Variants in IFRD2 observed in about 807,000 individuals in gnomAD.
IFRD2 encodes interferon-related developmental regulator 2.
A neutral mutation model predicts 49.2 loss-of-function variants in IFRD2; 35 were observed. The ratio of observed to expected loss-of-function variants is 0.71; its 90% confidence interval spans 0.54 to 0.94. The LOEUF (loss-of-function observed/expected upper bound fraction) is 0.94. Among genes scored for constraint, IFRD2 ranks in the 40% least tolerant of loss-of-function variants. The probability of loss-of-function intolerance (pLI) is 0.00; values close to 1 mark genes in which losing one functional copy is unlikely to be tolerated. For missense variants in IFRD2, 561 were observed against 591.6 expected (o/e 0.95, Z 0.54); for synonymous variants, 275 against 239.7 (o/e 1.15, Z -1.36).
chr3:50,289,538 T>C lies in IFRD2; in HGVS notation c.688A>G (p.Ser230Gly). Residue 230 changes from serine (S) to glycine (G), a missense_variant, in exon 7 of 12, where the codon AGC becomes GGC. By Grantham distance (56) the Ser-to-Gly change is moderately conservative. Coordinates refer to ENST00000417626, the MANE Select transcript of IFRD2 (RefSeq NM_006764.5). ...GCAGCAGAGAGCAGGCCGTGCAGGC[T>C]GGCAGGAACCACAGGACTTGTGGAG... is the stretch of plus-strand genomic sequence containing the variant. ...GSSTSPVVPA[S>G]LHGLLSAALQ... is the part of the protein sequence containing the mutation. 2 of 1,581,636 alleles carry C rather than the reference T, an allele frequency of 1.3e-6. No individual in the cohort carries two copies. The highest frequency in any genetic ancestry group is 1.2e-5 in the South Asian group (1 of 86,670).
In IFRD2 at chr3:50,289,941, AG is replaced by A. The variant is rs782344641; in HGVS notation, c.533del (p.Ala178ValfsTer31). ...SVLSDSTASP[A>X]ARLHCASALG... ...CAGGCACACTCACGTGGAGCCGGGC[AG>A]CAGGGCTAGCTGTGCTGTCACTGAG... On this transcript the variant is annotated frameshift_variant, in exon 5 of 12. Coordinates refer to ENST00000417626, the MANE Select transcript of IFRD2 (RefSeq NM_006764.5). LOFTEE classifies it high-confidence loss of function. 1 of 1,613,228 alleles carries A rather than the reference AG, an allele frequency of 6.2e-7. No individual in the cohort carries two copies. Among genetic ancestry groups the A allele is most frequent in the Non-Finnish European group, 8.5e-7 (1 of 1,179,668 alleles).
chr3:50,292,001 C>T, intron 1 of IFRD2: 1 of 546,116 alleles, frequency 1.8e-6, no homozygotes, highest in Non-Finnish European at 3.1e-6. Flanking sequence ...GCTGGGAGCG[C>T]GGACTCCCAA....
chr3:50,290,451 T>C lies in IFRD2; in HGVS notation c.200A>G (p.Gln67Arg). The change falls in exon 3 of 12, where the codon CAG (glutamine) becomes CGG (arginine). Residue 67 changes from glutamine to arginine, a missense_variant. Gln to Arg is a conservative substitution (Grantham distance 43). Transcript: ENST00000417626. The part of the protein sequence containing the change: ...DSLGGDVVDE[Q>R]GQQEDLEEKL... The stretch of plus-strand genomic sequence containing the variant: ...TTCCTCAAGGTCTTCCTGCTGGCCC[T>C]GCTCATCCACGACATCCCCCCCTGC... 3 of 1,578,090 alleles carry C rather than the reference T, an allele frequency of 1.9e-6. No individual in the cohort carries two copies. Among genetic ancestry groups the C allele is most frequent in the Non-Finnish European group, 2.6e-6 (3 of 1,160,814 alleles).
Position 50,290,306 on chromosome 3 carries a change from C to A in IFRD2, c.264-12G>T. On this transcript the variant is annotated splice_polypyrimidine_tract_variant and intron_variant, in intron 3 of 11. Transcript: ENST00000417626. ...GCCGGGTCTTGGCACTGGGGGAGGT[C>A]GAGAAGGGGGGTCATATGGGCCAGC... The A allele has an allele frequency of 6.2e-7, 1 of 1,608,564 alleles. No homozygotes were observed. Among genetic ancestry groups the A allele is most frequent in the Non-Finnish European group, 8.5e-7 (1 of 1,177,324 alleles).
At chr3:50,290,120 A>G (rs1220941548) in intron 4 of IFRD2, 34 bp from the exon 5 acceptor site, 1 of 1,612,530 alleles carries the variant, frequency 6.2e-7, no homozygotes, top group East Asian at 2.2e-5. Context: ...CCATGCAGCA[A>G]GGGCCAGTGT....
chr3:50,290,551 C>G lies in IFRD2; in HGVS notation c.178+9G>C. ...ACCAAGCCCCTGTCAAACTTCCACC[C>G]GCTCTCACCAAGGCTGTCCTCTGCA... On this transcript the variant is annotated intron_variant, in intron 2 of 11. Coordinates refer to ENST00000417626, the MANE Select transcript of IFRD2 (RefSeq NM_006764.5). 2.5e-6 allele frequency: 4 copies of G among 1,613,556 alleles called. No homozygotes were observed. Among genetic ancestry groups the G allele is most frequent in the Non-Finnish European group, 3.4e-6 (4 of 1,179,726 alleles).
chr3:50,289,558 G>T lies in IFRD2; in HGVS notation c.668C>A (p.Thr223Lys). ...SRFYGLGGSS[T>K]SPVVPASLHG... ...CAGGCTGGCAGGAACCACAGGACTT[G>T]TGGAGCTGCCCCCCAAGCCATAGAA... The change falls in exon 7 of 12, where the codon ACA (threonine) becomes AAA (lysine). Residue 223 changes from threonine (T) to lysine (K), a missense_variant. Coordinates refer to ENST00000417626, the MANE Select transcript of IFRD2 (RefSeq NM_006764.5). The T allele has an allele frequency of 1.3e-6, 2 of 1,581,258 alleles. No homozygotes were observed. The highest frequency in any genetic ancestry group is 2.3e-5 in the South Asian group (2 of 86,582).
intron 1 of IFRD2, chr3:50,291,751 C>T: frequency 6.0e-6 from 1 of 165,522 alleles, no homozygotes; most frequent in Non-Finnish European, 1.3e-5. Context: ...CTGCCTCAGG[C>T]TCCAGGATAC....
In IFRD2 at chr3:50,290,065, A is replaced by G; in HGVS notation, c.410T>C (p.Leu137Pro). The G allele has an allele frequency of 6.2e-7, 1 of 1,613,846 alleles. No individual in the cohort carries two copies. Among genetic ancestry groups the G allele is most frequent in the South Asian group, 1.1e-5 (1 of 91,046 alleles). Reference sequence around the variant, plus strand: ...GAGCAGGCCTAGCACAGCAGCAGCCAGGGCTTGTTCCTCGCCCTTCCCTGT... The same window carrying G: ...GAGCAGGCCTAGCACAGCAGCAGCCGGGGCTTGTTCCTCGCCCTTCCCTGT... ...LKKGKGEEQA[L>P]AAAVLGLLCV... Residue 137 changes from leucine (L) to proline (P), a missense_variant, in exon 5 of 12, where the codon CTG (leucine) becomes CCG (proline). Coordinates refer to ENST00000417626, the MANE Select transcript of IFRD2 (RefSeq NM_006764.5).
Position 50,289,497 on chromosome 3 carries a change from T to C in IFRD2, c.729A>G (p.Ala243=), listed in dbSNP as rs587700956. The stretch of plus-strand genomic sequence containing the variant: ...TGCTAGGGCAGATGGTGAGCAGCAA[T>C]GCCCAGGCCTGCAGGGCAGCAGAGA... The part of the protein sequence containing the change: ...GLLSAALQAW[A]LLLTICPSTQ... Residue 243 remains alanine (A), a synonymous_variant, in exon 7 of 12, where the codon GCA becomes GCG. Coordinates refer to ENST00000417626, the MANE Select transcript of IFRD2 (RefSeq NM_006764.5). The C allele has an allele frequency of 3.2e-6, 5 of 1,584,454 alleles. No homozygotes were observed. The African/African-American group carries it at 6.7e-5, about 21-fold the overall frequency.
rs782362768 is a variant in IFRD2, at chr3:50,290,674, G to A, written c.64C>T (p.Arg22Trp). Residue 22 changes from arginine (R) to tryptophan (W), a missense_variant, in exon 2 of 12, where the codon CGG becomes TGG. Transcript: ENST00000417626. ...KGGQRRGGGA[R>W]SSAQADSGSS... ...CCCGAGTCAGCTTGGGCACTGCTCC[G>A]GGCACCTGGAGAAGGTGGAATAGGA... The A allele has an allele frequency of 6.2e-6, 10 of 1,613,370 alleles. No homozygotes were observed. The African/African-American group carries it at 6.7e-5, about 11-fold the overall frequency.
rs1480648114 is a variant in IFRD2, at chr3:50,288,090, A to AAAT, written c.*98_*100dup. 17 of 1,136,984 alleles carry AAAT rather than the reference A, an allele frequency of 1.5e-5. No homozygotes were observed. The African/African-American group carries it at 2.2e-4, about 15-fold the overall frequency. The allele number at this position is 1,136,984 out of a possible 1,614,324, so 70.4% of individuals were successfully genotyped here. The stretch of plus-strand genomic sequence containing the variant: ...CTGTTTTTGGTTTTGTCATTAAAAA[A>AAAT]AATAAAGTGACAAATACTGGTGGAG... On this transcript the variant is annotated 3_prime_UTR_variant, in exon 12 of 12. Transcript: ENST00000417626.
Position 50,287,957 on chromosome 3 carries a change from C to T in IFRD2, c.*234G>A, listed in dbSNP as rs587689836. On this transcript the variant is annotated 3_prime_UTR_variant, in exon 12 of 12. Transcript: ENST00000417626. The stretch of plus-strand genomic sequence containing the variant: ...CTGCCCCACAGCCCTGAGGAAGGCA[C>T]ATATTTAGCCTGGCCTGAGACAGGA... 9.3e-6 allele frequency: 5 copies of T among 539,442 alleles called. No individual in the cohort carries two copies. The highest frequency in any genetic ancestry group is 2.2e-5 in the South Asian group (1 of 45,896). The allele number at this position is 539,442 out of a possible 1,614,324, so 33.4% of individuals were successfully genotyped here.
At position 50,290,089 on chromosome 3, in the gene IFRD2, G is replaced by GT. The variant is rs781970828; in HGVS notation, c.389-4dup. 1.2e-6 allele frequency: 2 copies of GT among 1,613,496 alleles called. No individual in the cohort carries two copies. The highest frequency in any genetic ancestry group is 1.7e-6 in the Non-Finnish European group (2 of 1,179,586). ...CAGGGCTTGTTCCTCGCCCTTCCCT[G>GT]TGGGATGCTTTCCAGTCAGCCCATG... is the stretch of plus-strand genomic sequence containing the variant. On this transcript the variant is annotated splice_region_variant and splice_polypyrimidine_tract_variant and intron_variant, in intron 4 of 11. Coordinates refer to ENST00000417626, the MANE Select transcript of IFRD2 (RefSeq NM_006764.5).
Position 50,292,400 on chromosome 3 carries a change from C to T in IFRD2, c.-126G>A. Reference sequence around the variant, plus strand: ...GACGACGGGAGCCACACGCCACGCGCGCCACCATCTTCGCGAGGCGCCCCG... The same window carrying T: ...GACGACGGGAGCCACACGCCACGCGTGCCACCATCTTCGCGAGGCGCCCCG... On this transcript the variant is annotated 5_prime_UTR_variant, in exon 1 of 12. Coordinates refer to ENST00000417626, the MANE Select transcript of IFRD2 (RefSeq NM_006764.5). The T allele has an allele frequency of 1.3e-6, 2 of 1,591,066 alleles. No homozygotes were observed. The highest frequency in any genetic ancestry group is 1.1e-5 in the South Asian group (1 of 89,438).
In IFRD2 at chr3:50,288,491, A is replaced by G. The variant is rs782693189; in HGVS notation, c.1166T>C (p.Leu389Pro). 9.9e-5 allele frequency: 159 copies of G among 1,613,896 alleles called. No homozygotes were observed. Among genetic ancestry groups the G allele is most frequent in the Admixed American group, 2.0e-4 (12 of 60,002 alleles). ...MHHHLQNNEL[L>P]RDIFGLGPVL... ...AGGGCCCAGGCCAAAGATGTCACGG[A>G]GTAGCTCATTGTTCTGGGGGGCAGA... The change falls in exon 11 of 12, where the codon CTC becomes CCC. Residue 389 changes from leucine (L) to proline (P), a missense_variant. Physicochemically the swap from Leu to Pro is moderately conservative, Grantham distance 98. Transcript: ENST00000417626.
chr3:50,290,461 C>T lies in IFRD2; in HGVS notation c.190G>A (p.Val64Met), dbSNP rs782097864. Residue 64 changes from valine to methionine, a missense_variant, in exon 3 of 12, where the codon GTG becomes ATG. Val to Met is a conservative substitution (Grantham distance 21). Coordinates refer to ENST00000417626, the MANE Select transcript of IFRD2 (RefSeq NM_006764.5). ...TAEDSLGGDV[V>M]DEQGQQEDLE... ...TCTTCCTGCTGGCCCTGCTCATCCACGACATCCCCCCCTGCAAGGCCACCT... is the reference window on the plus strand; with the variant it reads ...TCTTCCTGCTGGCCCTGCTCATCCATGACATCCCCCCCTGCAAGGCCACCT... 6.3e-6 allele frequency: 10 copies of T among 1,577,548 alleles called. No individual in the cohort carries two copies. Among genetic ancestry groups the T allele is most frequent in the African/African-American group, 1.3e-5 (1 of 74,128 alleles).
Position 50,289,471 on chromosome 3 carries a change from G to A in IFRD2, c.755C>T (p.Thr252Ile), listed in dbSNP as rs1553709297. 2 of 1,582,676 alleles carry A rather than the reference G, an allele frequency of 1.3e-6. No homozygotes were observed. Residue 252 changes from threonine (T) to isoleucine (I), a missense_variant, in exon 7 of 12, where the codon ACC (threonine) becomes ATC (isoleucine). By Grantham distance (89) the Thr-to-Ile change is moderately conservative. Transcript: ENST00000417626. ...WALLLTICPS[T>I]QISHILDRQL... ...CCTGTCAAGGATGTGGCTGATTTGG[G>A]TGCTAGGGCAGATGGTGAGCAGCAA...
rs375066458 is a variant in IFRD2 at position 50,288,578 on chromosome 3, C to T, written c.1152+5G>A. ...CAGATGTCCCCTCCCTGTCCGTCCC[C>T]GCACCTGGAGGTGGTGGTGCATGCC... On this transcript the variant is annotated splice_donor_5th_base_variant and intron_variant, in intron 10 of 11. Coordinates refer to ENST00000417626, the MANE Select transcript of IFRD2 (RefSeq NM_006764.5). 2.4e-5 allele frequency: 39 copies of T among 1,613,838 alleles called. 2 individuals carry two copies. In the South Asian group the frequency reaches 2.9e-4, roughly 12 times the overall value.
Sources: gnomAD v4.1 joint callset for allele counts on GRCh38, gnomAD v4.1.1 for gene constraint, MANE v1.5 for transcripts, NCBI Gene and HGNC (gene_info 2026-07-23, HGNC 2026-07-21) for gene names.